Variants in TECR observed in about 807,000 individuals in gnomAD.
The protein encoded by TECR is very-long-chain enoyl-CoA reductase.
A neutral mutation model predicts 50.6 loss-of-function variants in TECR; 19 were observed. The observed-to-expected ratio is 0.38, with a 90% confidence interval of 0.26 to 0.55. TECR has a LOEUF of 0.55. TECR is among the 20% of genes least tolerant of loss of function. TECR has a pLI of 0.79. For missense variants in TECR, 313 were observed against 408.3 expected, an observed-to-expected ratio of 0.77 and a Z score of 2.01; for synonymous variants, 168 against 163.5, an observed-to-expected ratio of 1.03 and a Z score of -0.21.
chr19:14,552,453 C>T (rs2073561563), intron 1 of TECR, among the ~76,000 whole-genome samples: 1 of 152,084 alleles, frequency 6.6e-6, no homozygotes. Flanking sequence ...TTCCAGGCTA[C>T]TTACCTTGGG....
Position 14,529,812 on chromosome 19 carries a change from G to A in TECR, c.15+101G>A, listed in dbSNP as rs186954160. 572 of 1,561,256 alleles carry A rather than the reference G, an allele frequency of 3.7e-4. 1 individual carries two copies. In the African/African-American group the frequency reaches 7.0e-3, roughly 19 times the overall value. ...CCACTTTCTGGTCCTGTGCCCCGAAGGAAGAGCCAGACGGCGCAGGCGCAG... is the reference window on the plus strand; with the variant it reads ...CCACTTTCTGGTCCTGTGCCCCGAAAGAAGAGCCAGACGGCGCAGGCGCAG... On this transcript the variant is annotated intron_variant, in intron 1 of 12. Coordinates refer to ENST00000215567, the MANE Select transcript of TECR (RefSeq NM_138501.6).
Position 14,565,795 on chromosome 19 carries a change from G to A in TECR, c.851G>A (p.Gly284Asp). ...ACCCAGATGACCATCTGGGCCAAGG[G>A]CAAGCACCGCAGCTACCTGAAGGAG... The part of the protein sequence containing the change: ...GFTQMTIWAK[G>D]KHRSYLKEFR... Residue 284 changes from glycine (G) to aspartate (D), a missense_variant, in exon 13 of 13, where the codon GGC (glycine) becomes GAC (aspartate). Coordinates refer to ENST00000215567, the MANE Select transcript of TECR (RefSeq NM_138501.6). 1 of 1,605,748 alleles carries A rather than the reference G, an allele frequency of 6.2e-7. No homozygotes were observed. Among genetic ancestry groups the A allele is most frequent in the Non-Finnish European group, 8.5e-7 (1 of 1,177,080 alleles).
At chr19:14,528,010 A>C (rs974215571), upstream of TECR, among the ~76,000 whole-genome samples, 2 of 145,478 alleles carry the variant, frequency 1.4e-5, no homozygotes, top group African/African-American at 5.1e-5. Context: ...CAGCCTCCCT[A>C]GTAGCTGGGA....
upstream of TECR, among the ~76,000 whole-genome samples, chr19:14,528,670 T>G (rs1249202196): frequency 1.3e-5 from 2 of 151,446 alleles, no homozygotes; most frequent in Non-Finnish European, 2.9e-5. Flanking sequence ...CCGGGCGGGG[T>G]GGCTCAGGCC....
chr19:14,552,409 C>G (rs1228751904), intron 1 of TECR, among the ~76,000 whole-genome samples: 1 of 151,836 alleles, frequency 6.6e-6, no homozygotes, highest in East Asian at 1.9e-4. Flanking sequence ...GAGCTTTGGG[C>G]CTGAGCAAGC....
At chr19:14,543,417 ATATTTTTTTTTTTTTTTTTTTTTT>A (rs1391076816) in intron 1 of TECR, among the ~76,000 whole-genome samples, 6 of 9,992 alleles carry the variant, frequency 6.0e-4, no homozygotes, top group Non-Finnish European at 7.9e-4. Flanking sequence ...ATATATATAT[ATATTTTTTTTTTTTTTTTTTTTTT>A]TTTTTTTTTT....
At position 14,563,862 on chromosome 19, in the gene TECR, CTG is replaced by C. The variant is rs771284261; in HGVS notation, c.228_229del (p.Tyr77LeufsTer41). 3 of 1,614,060 alleles carry C rather than the reference CTG, an allele frequency of 1.9e-6. No homozygotes were observed. The highest frequency in any genetic ancestry group is 2.5e-6 in the Non-Finnish European group (3 of 1,179,950). ...GCTGCCCGTGGGCACCACGGCCACACTGTACTTCCGGGACCTGGGGGCCCAGA... is the reference window on the plus strand; with the variant it reads ...GCTGCCCGTGGGCACCACGGCCACACTACTTCCGGGACCTGGGGGCCCAGA... The part of the protein sequence containing the change: ...QKLPVGTTAT[L>X]YFRDLGAQIS... On this transcript the variant is annotated frameshift_variant, in exon 5 of 13. Transcript: ENST00000215567. LOFTEE classifies it high-confidence loss of function. The surrounding 1 kb of genome is among the most constrained non-coding windows in gnomAD (Gnocchi z 5.3).
intron 1 of TECR, among the ~76,000 whole-genome samples, chr19:14,535,498 C>A (rs1410755771): frequency 1.2e-5 from 1 of 81,294 alleles, no homozygotes; most frequent in South Asian, 4.8e-4. Context: ...CAGAGCGAGA[C>A]TCCGTCTCAA....
At chr19:14,543,595 C>T (rs1237174829) in intron 1 of TECR, among the ~76,000 whole-genome samples, 6 of 147,684 alleles carry the variant, frequency 4.1e-5, no homozygotes, top group Non-Finnish European at 6.0e-5. Flanking sequence ...CCCGCTACCA[C>T]GCCCGGCTAA....
chr19:14,563,315 G>A lies in TECR; in HGVS notation c.118+58G>A. ...AACCCCTTTGACCAGGGACCTTAGG[G>A]TGGGAGGGATCCCATCCTGCACCCC... On this transcript the variant is annotated intron_variant, in intron 3 of 12. Transcript: ENST00000215567. The surrounding 1 kb of genome is among the most constrained non-coding windows in gnomAD (Gnocchi z 5.3). The A allele has an allele frequency of 3.4e-6, 5 of 1,472,692 alleles. No individual in the cohort carries two copies. Among genetic ancestry groups the A allele is most frequent in the Non-Finnish European group, 4.7e-6 (5 of 1,058,762 alleles). 91.2% of individuals were successfully genotyped at this position (1,472,692 alleles called of 1,614,324 possible). A position where few individuals can be genotyped will look rare whatever the true frequency, so the allele number is the denominator to read the frequency against.
At chr19:14,562,619 C>T in intron 2 of TECR, 44 bp downstream of exon 2, 2 of 1,609,542 alleles carry the variant, frequency 1.2e-6, no homozygotes, top group Non-Finnish European at 1.7e-6. Context: ...GGCACTGGGC[C>T]CGGGACCCCA....
intron 1 of TECR, 52 bp downstream of exon 1, chr19:14,529,763 CCTT>C (rs780192280): frequency 1.2e-6 from 2 of 1,613,456 alleles, no homozygotes; most frequent in Non-Finnish European, 1.7e-6. Context: ...CATTCTTTTT[CCTT>C]CTTTGCGGGA....
At position 14,555,052 on chromosome 19, in the gene TECR, C is replaced by T. The variant is rs561948287; in HGVS notation, c.16-7473C>T. On this transcript the variant is annotated intron_variant, in intron 1 of 12. Transcript: ENST00000215567. ...TCCGCCTCCCAGAGTGCTGGGATTA[C>T]AGGCGTGAGCCACTGCGCCTGGCCT... Among the ~76,000 whole-genome samples the T allele has an allele frequency of 2.0e-5, 3 of 151,744 alleles. No individual in the cohort carries two copies. The South Asian group carries it at 6.3e-4, about 32-fold the overall frequency.
chr19:14,542,989 C>CT (rs572624462), intron 1 of TECR, among the ~76,000 whole-genome samples: 1,109 of 102,162 alleles, frequency 0.011, 16 homozygotes, highest in African/African-American at 0.03. Flanking sequence ...CTTCCAAATT[C>CT]TTTTTTTTTT....
At chr19:14,547,963 CTTTTTT>C (rs1043298294) in intron 1 of TECR, among the ~76,000 whole-genome samples, 1 of 125,680 alleles carries the variant, frequency 8.0e-6, no homozygotes, top group South Asian at 2.6e-4. Flanking sequence ...ATGGGCATTT[CTTTTTT>C]TTTTTTTTTT....
At chr19:14,541,695 C>G (rs2073101517) in intron 1 of TECR, among the ~76,000 whole-genome samples, 1 of 152,046 alleles carries the variant, frequency 6.6e-6, no homozygotes, top group Non-Finnish European at 1.5e-5. Flanking sequence ...GGCATGGAGC[C>G]CAGAGTTTGC....
intron 1 of TECR, among the ~76,000 whole-genome samples, chr19:14,558,755 T>TCAGCCCCTCC (rs1265614342): frequency 6.6e-6 from 1 of 152,112 alleles, no homozygotes; most frequent in African/African-American, 2.4e-5. Flanking sequence ...CCAGAGCATC[T>TCAGCCCCTCC]CAGCCCCTCC....
chr19:14,561,613 C>T (rs2073905180), intron 1 of TECR, among the ~76,000 whole-genome samples: 1 of 152,142 alleles, frequency 6.6e-6, no homozygotes, highest in Admixed American at 6.5e-5. Context: ...CAGTGGAAAG[C>T]CTGCCCCACA....
At chr19:14,547,025 A>C (rs2073331884) in intron 1 of TECR, among the ~76,000 whole-genome samples, 1 of 152,194 alleles carries the variant, frequency 6.6e-6, no homozygotes, top group Admixed American at 6.5e-5. Flanking sequence ...GATCAACATG[A>C]TAGGGTAATC....
Sources: allele counts gnomAD v4.1 joint callset (sites outside exome capture counted in the v4.1 genomes callset), GRCh38; gene constraint gnomAD v4.1.1; non-coding constraint Gnocchi (gnomAD v3.1); transcripts MANE v1.5; gene names NCBI Gene and HGNC (gene_info 2026-07-23, HGNC 2026-07-21).